CALN1: variants seen among roughly 807,000 people sequenced by gnomAD.
The protein encoded by CALN1 is calneuron 1.
CALN1 carries 17 observed loss-of-function variants against 30.6 expected under a neutral mutation model. The ratio of observed to expected loss-of-function variants is 0.56; its 90% CI spans 0.38 to 0.83. The LOEUF (loss-of-function observed/expected upper bound fraction) is 0.83. CALN1 is among the 40% of genes least tolerant of loss of function. The probability of loss-of-function intolerance (pLI) is 0.00; values close to 1 mark genes in which losing one functional copy is unlikely to be tolerated. For missense variants in CALN1, 291 were observed against 354.9 expected (o/e 0.82, Z 1.45); for synonymous variants, 156 against 131.4 (o/e 1.19, Z -1.28).
intron 5 of CALN1, among the ~76,000 whole-genome samples, chr7:71,960,832 T>G (rs1797213018): frequency 6.6e-6 from 1 of 152,202 alleles, no homozygotes; most frequent in South Asian, 2.1e-4. Context: ...TTTAATTGTT[T>G]TTTGAGACAG....
intron 4 of CALN1, among the ~76,000 whole-genome samples, chr7:72,057,319 G>A (rs1019621183): frequency 3.3e-5 from 5 of 151,076 alleles, no homozygotes; most frequent in Admixed American, 3.3e-4. Flanking sequence ...ACAGACATGA[G>A]CATAGACTTT....
At chr7:72,123,281 A>G (rs1469557221) in intron 3 of CALN1, among the ~76,000 whole-genome samples, 1 of 152,212 alleles carries the variant, frequency 6.6e-6, no homozygotes, top group Admixed American at 6.5e-5. Flanking sequence ...AGCTCAGCCC[A>G]TGAAACAAAA....
At chr7:71,793,982 T>C (rs922096882) in intron 6 of CALN1, among the ~76,000 whole-genome samples, 1 of 152,210 alleles carries the variant, frequency 6.6e-6, no homozygotes, top group Non-Finnish European at 1.5e-5. Flanking sequence ...CTCCCTTGTA[T>C]AAACCTTTTA....
intron 4 of CALN1, among the ~76,000 whole-genome samples, chr7:72,027,038 C>A (rs1420961302): frequency 6.6e-6 from 1 of 152,188 alleles, no homozygotes; most frequent in East Asian, 1.9e-4. Context: ...GTGACAGTAT[C>A]ACCCACAATG....
rs529169215 is a variant in CALN1 at position 71,896,285 on chromosome 7, A to G, written c.502-85793T>C. Among the ~76,000 whole-genome samples the G allele has an allele frequency of 2.0e-5, 3 of 152,310 alleles. No homozygotes were observed. In the East Asian group the frequency reaches 5.8e-4, roughly 29 times the overall value. On this transcript the variant is annotated intron_variant, in intron 5 of 6. Coordinates refer to ENST00000395275, the MANE Select transcript of CALN1 (RefSeq NM_031468.4). The stretch of plus-strand genomic sequence containing the variant: ...CAAATATCTGACTATCTGTGACTAC[A>G]TAAACTCGACAATTGAGGGCTGATT...
At chr7:72,351,194 T>C (rs189849671) in intron 2 of CALN1, among the ~76,000 whole-genome samples, 1 of 152,226 alleles carries the variant, frequency 6.6e-6, no homozygotes, top group Admixed American at 6.5e-5. Flanking sequence ...TAAAGAGTTT[T>C]TCAGATAAAC....
intron 1 of CALN1, among the ~76,000 whole-genome samples, chr7:72,419,803 C>T (rs1333207132): frequency 6.6e-6 from 1 of 152,178 alleles, no homozygotes; most frequent in Non-Finnish European, 1.5e-5. Flanking sequence ...ACTACAGGTA[C>T]ATGCAGCTAA....
chr7:71,861,758 G>C (rs996211815), intron 5 of CALN1, among the ~76,000 whole-genome samples: 1 of 113,766 alleles, frequency 8.8e-6, no homozygotes, highest in Non-Finnish European at 1.7e-5. Context: ...CAGCATGGGT[G>C]AAAGAGTGCA....
chr7:71,875,184 A>G (rs2116767415), intron 5 of CALN1, among the ~76,000 whole-genome samples: 1 of 146,992 alleles, frequency 6.8e-6, no homozygotes, highest in African/African-American at 2.5e-5. Flanking sequence ...AAAAAAAAAA[A>G]AAAGAATCAG....
intron 5 of CALN1, among the ~76,000 whole-genome samples, chr7:71,930,326 T>G (rs1369732374): frequency 6.6e-6 from 1 of 152,238 alleles, no homozygotes; most frequent in Non-Finnish European, 1.5e-5. Context: ...AAAGACATAA[T>G]GTCGAACACC....
chr7:72,076,611 CAAAAAA>C (rs572245834), intron 4 of CALN1, among the ~76,000 whole-genome samples: 158 of 6,060 alleles, frequency 0.026, no homozygotes, highest in Non-Finnish European at 0.033. Context: ...AAAAAAAAAG[CAAAAAA>C]AAAAAAAAAA....
chr7:71,787,759 G>C lies in CALN1; in HGVS notation c.*16C>G, dbSNP rs1426489853. ...TGCGCGGTGAGCTGCAACACAGTGT[G>C]GCTGGCGGGAGGCTGCTACTCCATG... On this transcript the variant is annotated 3_prime_UTR_variant, in exon 7 of 7. Coordinates refer to ENST00000395275, the MANE Select transcript of CALN1 (RefSeq NM_031468.4). The C allele has an allele frequency of 6.2e-7, 1 of 1,612,986 alleles. No individual in the cohort carries two copies. The highest frequency in any genetic ancestry group is 1.3e-5 in the African/African-American group (1 of 74,936).
chr7:72,141,354 C>G (rs550543613), intron 3 of CALN1, among the ~76,000 whole-genome samples: 1 of 152,056 alleles, frequency 6.6e-6, no homozygotes, highest in East Asian at 1.9e-4. Flanking sequence ...AATCCTAGCA[C>G]TTTGGGAGGC....
At chr7:72,151,692 C>A (rs1787261108) in intron 3 of CALN1, among the ~76,000 whole-genome samples, 1 of 152,000 alleles carries the variant, frequency 6.6e-6, no homozygotes, top group Non-Finnish European at 1.5e-5. Context: ...CATGTGCCTG[C>A]CCAGCAGATA....
In CALN1 at chr7:72,054,481, A is replaced by G. The variant is rs1192009179; in HGVS notation, c.389-30712T>C. The stretch of plus-strand genomic sequence containing the variant: ...TACATATATATACATATATACATAC[A>G]TATATATATACATATATACATATAT... On this transcript the variant is annotated intron_variant, in intron 4 of 6. Transcript: ENST00000395275. Among the ~76,000 whole-genome samples the G allele has an allele frequency of 1.2e-3, 90 of 72,882 alleles. 2 individuals are homozygous for G. The highest frequency in any genetic ancestry group is 3.6e-3 in the African/African-American group (84 of 23,186). 47.8% of individuals were successfully genotyped at this position (72,882 alleles called of 152,430 possible). A position where few individuals can be genotyped will look rare whatever the true frequency, so the allele number is the denominator to read the frequency against.
At chr7:72,238,550 T>C (rs1467245892) in intron 3 of CALN1, among the ~76,000 whole-genome samples, 1 of 152,160 alleles carries the variant, frequency 6.6e-6, no homozygotes, top group Non-Finnish European at 1.5e-5. Context: ...TCTTGAACTG[T>C]AGTTCTTGTA....
chr7:71,952,258 AG>A (rs2129524197), intron 5 of CALN1, among the ~76,000 whole-genome samples: 1 of 152,294 alleles, frequency 6.6e-6, no homozygotes, highest in South Asian at 2.1e-4. Context: ...TTTCATGCTT[AG>A]GGTCCTCCCA....
chr7:72,331,033 T>A (rs1171707831), intron 2 of CALN1, among the ~76,000 whole-genome samples: 3 of 152,160 alleles, frequency 2.0e-5, no homozygotes, highest in Non-Finnish European at 2.9e-5. Context: ...TTTAGCAGAA[T>A]CCTTCCAGTT....
At chr7:71,888,557 C>T (rs17144086) in intron 5 of CALN1, among the ~76,000 whole-genome samples, 1,643 of 150,862 alleles carry the variant, frequency 0.011, 12 homozygotes, top group Non-Finnish European at 0.017. Flanking sequence ...AATAAAGAAA[C>T]GGCTAAAAAG....
Sources: gnomAD v4.1 joint callset for allele counts (sites outside exome capture counted in the v4.1 genomes callset) on GRCh38, gnomAD v4.1.1 for gene constraint, MANE v1.5 for transcripts, NCBI Gene and HGNC (gene_info 2026-07-23, HGNC 2026-07-21) for gene names.